The following SLC4A10 variants were observed in gnomAD, a reference collection of about 807,000 sequenced individuals.
SLC4A10 encodes the protein sodium-driven chloride bicarbonate exchanger.
SLC4A10 carries 42 observed loss-of-function variants against 137.7 expected under a neutral mutation model. That is an observed-to-expected ratio of 0.30 (90% confidence interval 0.24 to 0.39). The LOEUF (loss-of-function observed/expected upper bound fraction) is 0.39, where lower values mean the gene tolerates loss of function less well. SLC4A10 is among the 10% of genes least tolerant of loss of function. The probability of loss-of-function intolerance (pLI) is 1.00; values close to 1 mark genes in which losing one functional copy is unlikely to be tolerated. For missense variants in SLC4A10, 925 were observed against 1,355.0 expected (o/e 0.68, Z 4.98); for synonymous variants, 474 against 464.1 (o/e 1.02, Z -0.27).
At chr2:161,721,380 G>T (rs896683974) in intron 1 of SLC4A10, among the ~76,000 whole-genome samples, 3 of 152,184 alleles carry the variant, frequency 2.0e-5, no homozygotes, top group African/African-American at 7.2e-5. Flanking sequence ...GGCAGGCCAG[G>T]TGGTGACAAA....
intron 1 of SLC4A10, among the ~76,000 whole-genome samples, chr2:161,760,827 G>T (rs1403642966): frequency 6.6e-6 from 1 of 151,578 alleles, no homozygotes; most frequent in Non-Finnish European, 1.5e-5. Context: ...TGGTTTTTGT[G>T]GCCCCAATAG....
At chr2:161,911,051 T>C (rs1421911338) in intron 15 of SLC4A10, among the ~76,000 whole-genome samples, 1 of 151,748 alleles carries the variant, frequency 6.6e-6, no homozygotes, top group Non-Finnish European at 1.5e-5. Context: ...AAATAAAATA[T>C]GTAAATAAAC....
At chr2:161,687,672 G>C (rs978302310) in intron 1 of SLC4A10, among the ~76,000 whole-genome samples, 1 of 152,090 alleles carries the variant, frequency 6.6e-6, no homozygotes, top group Non-Finnish European at 1.5e-5. Context: ...ACCTTGAATT[G>C]TAATAATCCC....
At chr2:161,881,871 AT>A (rs1575430784) in intron 9 of SLC4A10, among the ~76,000 whole-genome samples, 1 of 151,920 alleles carries the variant, frequency 6.6e-6, no homozygotes, top group Admixed American at 6.6e-5. Context: ...CCTGACAATA[AT>A]TTTTTATAAT....
At chr2:161,828,924 A>C (rs1361932202) in intron 3 of SLC4A10, among the ~76,000 whole-genome samples, 2 of 148,532 alleles carry the variant, frequency 1.3e-5, no homozygotes, top group African/African-American at 5.0e-5. Context: ...TCTATTTCTA[A>C]ATTATTCTAT....
At chr2:161,883,923 T>A (rs1168562707) in intron 10 of SLC4A10, among the ~76,000 whole-genome samples, 1 of 152,176 alleles carries the variant, frequency 6.6e-6, no homozygotes, top group African/African-American at 2.4e-5. Flanking sequence ...CTTACCTTAA[T>A]TACATCTGCA....
chr2:161,788,736 C>T (rs1244906877), intron 2 of SLC4A10, among the ~76,000 whole-genome samples: 2 of 152,212 alleles, frequency 1.3e-5, no homozygotes, highest in Admixed American at 1.3e-4. Flanking sequence ...TTCAACTTGT[C>T]TGCCCTTCGT....
intron 1 of SLC4A10, among the ~76,000 whole-genome samples, chr2:161,681,082 T>C (rs1040347961): frequency 6.6e-6 from 1 of 152,184 alleles, no homozygotes; most frequent in Non-Finnish European, 1.5e-5. Context: ...AATGGTAACC[T>C]TCTCTCTTTT....
At chr2:161,624,877 C>T (rs553267785) in intron 1 of SLC4A10, among the ~76,000 whole-genome samples, 1 of 152,162 alleles carries the variant, frequency 6.6e-6, no homozygotes, top group South Asian at 2.1e-4. Flanking sequence ...CCTGTTACTG[C>T]TTATCTCTCT....
intron 1 of SLC4A10, among the ~76,000 whole-genome samples, chr2:161,745,294 C>G (rs1021644655): frequency 6.6e-6 from 1 of 152,126 alleles, no homozygotes; most frequent in Non-Finnish European, 1.5e-5. Flanking sequence ...TACAAATAAG[C>G]TGTCTCAAGC....
At chr2:161,971,418 G>A (rs1403996136) in intron 23 of SLC4A10, among the ~76,000 whole-genome samples, 1 of 152,146 alleles carries the variant, frequency 6.6e-6, no homozygotes, top group East Asian at 1.9e-4. Flanking sequence ...TGGGTATTAT[G>A]TATTATTCTA....
At chr2:161,942,722 T>TG in intron 15 of SLC4A10, 70 bp from the exon 16 acceptor site, 1 of 1,169,244 alleles carries the variant, frequency 8.6e-7, no homozygotes, top group Non-Finnish European at 1.2e-6. Context: ...ATGGAGCCGT[T>TG]ATACATTAGT....
At chr2:161,821,501 C>T (rs947299410) in intron 3 of SLC4A10, among the ~76,000 whole-genome samples, 1 of 152,126 alleles carries the variant, frequency 6.6e-6, no homozygotes, top group Non-Finnish European at 1.5e-5. Flanking sequence ...CTGTAGCTCA[C>T]ACCTATAAAC....
Position 161,879,299 on chromosome 2 carries a change from T to C in SLC4A10, c.1106+11T>C, listed in dbSNP as rs2061613500. On this transcript the variant is annotated intron_variant, in intron 9 of 26. Coordinates refer to ENST00000446997, the MANE Select transcript of SLC4A10 (RefSeq NM_001178015.2). ...CCCAATCCCAACCAGGTAAAAAGTA[T>C]AAAAGCGTCTTTTGTATTTTTCTTA... The C allele has an allele frequency of 2.5e-6, 4 of 1,593,596 alleles. No homozygotes were observed. The highest frequency in any genetic ancestry group is 1.3e-5 in the African/African-American group (1 of 74,174).
intron 1 of SLC4A10, among the ~76,000 whole-genome samples, chr2:161,718,676 C>A (rs903167306): frequency 6.6e-6 from 1 of 152,036 alleles, no homozygotes; most frequent in African/African-American, 2.4e-5. Context: ...GTTGTGATTT[C>A]AGTTCTTTTG....
intron 1 of SLC4A10, among the ~76,000 whole-genome samples, chr2:161,683,667 C>G (rs1182129347): frequency 6.6e-6 from 1 of 152,016 alleles, no homozygotes; most frequent in Non-Finnish European, 1.5e-5. Flanking sequence ...TGTAATGGCT[C>G]CAGTAAATCT....
chr2:161,638,995 T>C (rs2034885873), intron 1 of SLC4A10, among the ~76,000 whole-genome samples: 2 of 151,922 alleles, frequency 1.3e-5, no homozygotes, highest in African/African-American at 4.8e-5. Context: ...AGGATCATTA[T>C]CAACAACTAT....
intron 10 of SLC4A10, among the ~76,000 whole-genome samples, chr2:161,888,525 A>T (rs1324508342): frequency 6.6e-6 from 1 of 152,084 alleles, no homozygotes; most frequent in Non-Finnish European, 1.5e-5. Context: ...TGTAAGTGGT[A>T]TTCCTAGGTA....
intron 1 of SLC4A10, among the ~76,000 whole-genome samples, chr2:161,706,222 A>G (rs977265237): frequency 6.6e-6 from 1 of 151,624 alleles, no homozygotes; most frequent in Non-Finnish European, 1.5e-5. Context: ...GAAATTGGGG[A>G]TTATATATAC....
Sources: gnomAD v4.1 joint callset for allele counts (sites outside exome capture counted in the v4.1 genomes callset) on GRCh38, gnomAD v4.1.1 for gene constraint, MANE v1.5 for transcripts, NCBI Gene and HGNC (gene_info 2026-07-23, HGNC 2026-07-21) for gene names.